Variants in RIN2 observed in about 807,000 individuals in gnomAD.
The protein encoded by RIN2 is RAB5 interacting protein 2.
In RIN2, 36 loss-of-function variants were observed where a neutral mutation model predicts 78.0. The observed-to-expected ratio is 0.46, with a 90% CI of 0.35 to 0.61. RIN2 has a LOEUF of 0.61. Among genes scored for constraint, RIN2 ranks in the 20% least tolerant of loss-of-function variants. The pLI, the probability that RIN2 is intolerant of heterozygous loss-of-function variation, is 0.00. For missense variants in RIN2, 1,087 were observed against 1,159.7 expected (o/e 0.94, Z 0.91); for synonymous variants, 466 against 466.8 (o/e 1.00, Z 0.02).
chr20:19,897,916 G>A (rs569716592), intron 3 of RIN2, among the ~76,000 whole-genome samples: 6 of 152,062 alleles, frequency 3.9e-5, no homozygotes, highest in African/African-American at 9.7e-5. Flanking sequence ...GTCTCACTTC[G>A]TTGCCCCGTC....
chr20:19,863,324 C>T (rs562449090), intron 2 of RIN2, among the ~76,000 whole-genome samples: 36 of 152,296 alleles, frequency 2.4e-4, no homozygotes, highest in South Asian at 4.1e-4. Flanking sequence ...TTACATGAAA[C>T]CATGTATGTG....
At chr20:19,932,089 C>T (rs901473635) in intron 3 of RIN2, among the ~76,000 whole-genome samples, 2 of 152,152 alleles carry the variant, frequency 1.3e-5, no homozygotes, top group African/African-American at 4.8e-5. Context: ...AATTTAATTG[C>T]CATTGTAACG....
intron 1 of RIN2, among the ~76,000 whole-genome samples, chr20:19,776,830 T>C (rs951975998): frequency 2.0e-4 from 31 of 152,162 alleles, no homozygotes; most frequent in African/African-American, 7.2e-4. Flanking sequence ...ACGAAACCAG[T>C]GTACATCTTA....
At chr20:19,801,860 CATG>C (rs765805645) in intron 2 of RIN2, among the ~76,000 whole-genome samples, 30 of 152,158 alleles carry the variant, frequency 2.0e-4, no homozygotes, top group Non-Finnish European at 4.3e-4. Flanking sequence ...GAAGTCTTAT[CATG>C]ATGTTGTAGG....
Position 19,960,524 on chromosome 20 carries a change from A to G in RIN2, c.352-176A>G, listed in dbSNP as rs1219230442. ...TTCTTTTGGAGGCAGTAATGAACAA[A>G]GGTGTCTGCAGCCTGTGCTCTGAGC... is the stretch of plus-strand genomic sequence containing the variant. On this transcript the variant is annotated intron_variant, in intron 5 of 12. Transcript: ENST00000255006. Among the ~76,000 whole-genome samples the G allele has an allele frequency of 2.6e-5, 4 of 152,176 alleles. No homozygotes were observed. The East Asian group carries it at 7.7e-4, about 29-fold the overall frequency.
At chr20:19,829,689 A>G (rs537122104) in intron 2 of RIN2, among the ~76,000 whole-genome samples, 1 of 152,362 alleles carries the variant, frequency 6.6e-6, no homozygotes, top group East Asian at 1.9e-4. Flanking sequence ...GGATGGATCA[A>G]GCAGTGGGGT....
chr20:19,787,313 C>G lies in RIN2; in HGVS notation c.-162-12309C>G, dbSNP rs564971632. Among the ~76,000 whole-genome samples the G allele has an allele frequency of 2.8e-4, 43 of 150,878 alleles. 1 individual carries two copies. Among genetic ancestry groups the G allele is most frequent in the Admixed American group, 2.6e-3 (39 of 15,102 alleles). ...TGGCGTGCAGCTGTAATCCTAGCTACTTGGGAAGCTGAGGCAGGAGAATTG... is the reference window on the plus strand; with the variant it reads ...TGGCGTGCAGCTGTAATCCTAGCTAGTTGGGAAGCTGAGGCAGGAGAATTG... On this transcript the variant is annotated intron_variant, in intron 1 of 12. Coordinates refer to ENST00000255006, the MANE Select transcript of RIN2 (RefSeq NM_018993.4).
intron 3 of RIN2, among the ~76,000 whole-genome samples, chr20:19,924,041 TCCTTACCCCCACCTTC>T (rs2040047513): frequency 3.2e-5 from 2 of 61,688 alleles, no homozygotes; most frequent in East Asian, 6.1e-4. Context: ...ACCCCCACCT[TCCTTACCCCCACCTTC>T]CATACCCCAC....
At chr20:19,864,664 G>T (rs1160855504) in intron 2 of RIN2, among the ~76,000 whole-genome samples, 4 of 152,176 alleles carry the variant, frequency 2.6e-5, no homozygotes, top group Non-Finnish European at 5.9e-5. Flanking sequence ...GCATCAGCAG[G>T]TGGGTAAAGC....
rs1054548192 is a variant in RIN2 at position 19,923,272 on chromosome 20, C to T, written c.58-11827C>T. 7.2e-5 allele frequency among the ~76,000 whole-genome samples: 11 copies of T among 151,768 alleles called. No individual in the cohort carries two copies. The East Asian group carries it at 2.1e-3, about 29-fold the overall frequency. On this transcript the variant is annotated intron_variant, in intron 3 of 12. Coordinates refer to ENST00000255006, the MANE Select transcript of RIN2 (RefSeq NM_018993.4). ...CTCTACTAAAAATACAAAAATTAGC[C>T]AGGTGTGGTGGCGGGCGCCTGTAGT... is the stretch of plus-strand genomic sequence containing the variant.
At position 19,796,638 on chromosome 20, in the gene RIN2, C is replaced by T. The variant is rs190541997; in HGVS notation, c.-162-2984C>T. Among the ~76,000 whole-genome samples the T allele has an allele frequency of 8.5e-5, 13 of 152,282 alleles. No homozygotes were observed. The East Asian group carries it at 1.5e-3, about 18-fold the overall frequency. On this transcript the variant is annotated intron_variant, in intron 1 of 12. Transcript: ENST00000255006. ...CTATGAGTCAATAGATTCCTGTTCT[C>T]GACCTTCAGTGCACATTGGAATCAC...
chr20:19,793,407 C>T (rs893496437), intron 1 of RIN2, among the ~76,000 whole-genome samples: 1 of 152,072 alleles, frequency 6.6e-6, no homozygotes, highest in Non-Finnish European at 1.5e-5. Flanking sequence ...GAGGGGCTTT[C>T]CTGTGATAAT....
intron 2 of RIN2, among the ~76,000 whole-genome samples, chr20:19,883,993 G>T (rs543333436): frequency 2.2e-4 from 33 of 151,538 alleles, no homozygotes; most frequent in African/African-American, 7.5e-4. Flanking sequence ...GAAAGATAGG[G>T]TTTCACTATA....
rs375067930 is a variant in RIN2 at position 19,975,358 on chromosome 20, G to C, written c.1333G>C (p.Asp445His). 3 of 1,613,542 alleles carry C rather than the reference G, an allele frequency of 1.9e-6. No individual in the cohort carries two copies. The highest frequency in any genetic ancestry group is 1.7e-5 in the Admixed American group (1 of 59,910). ...TTCCTCCTCCGACTCGCTGGAGTTC[G>C]ACCGGAGCATGCCTCTGTTTGGCTA... Reference protein sequence around the residue: ...STSSSDSLEFDRSMPLFGYEA... With the variant: ...STSSSDSLEFHRSMPLFGYEA... The change falls in exon 9 of 13, where the codon GAC becomes CAC. Residue 445 changes from aspartate to histidine, a missense_variant. Asp to His is a moderately conservative substitution (Grantham distance 81, BLOSUM62 -1). This residue lies in a region of RIN2 where 706 missense variants were observed against 667.5 expected (regional missense o/e 1.06). Transcript: ENST00000255006. The surrounding 1 kb of genome is among the most constrained non-coding windows in gnomAD (Gnocchi z 4.9).
At chr20:19,792,109 A>G (rs774589131) in intron 1 of RIN2, among the ~76,000 whole-genome samples, 19 of 152,166 alleles carry the variant, frequency 1.2e-4, no homozygotes, top group Non-Finnish European at 2.2e-4. Context: ...GAGCTGAAAG[A>G]AAGAAATTCT....
intron 8 of RIN2, among the ~76,000 whole-genome samples, chr20:19,972,388 G>T (rs561176329): frequency 6.6e-6 from 1 of 152,312 alleles, no homozygotes; most frequent in Non-Finnish European, 1.5e-5. Context: ...GGACTAAAGT[G>T]TCAAGGACAA....
chr20:19,780,687 C>T (rs546258429), intron 1 of RIN2, among the ~76,000 whole-genome samples: 21 of 152,330 alleles, frequency 1.4e-4, no homozygotes, highest in African/African-American at 5.0e-4. Context: ...TAGGTGGCCT[C>T]TGTTGCAACC....
chr20:19,948,158 T>A (rs557460936), intron 4 of RIN2, among the ~76,000 whole-genome samples: 26 of 152,280 alleles, frequency 1.7e-4, no homozygotes, highest in African/African-American at 5.5e-4. Context: ...GATGTGATAC[T>A]GACAGTGCTG....
Position 19,880,709 on chromosome 20 carries a change from G to A in RIN2, c.-36-8857G>A, listed in dbSNP as rs1483100683. On this transcript the variant is annotated intron_variant, in intron 2 of 12. Transcript: ENST00000255006. Reference sequence around the variant, plus strand: ...AAAAACCCTTCTCTTTAGCCTAGATGACTTCCTTGTAAAATCCTATGCACT... The same window carrying A: ...AAAAACCCTTCTCTTTAGCCTAGATAACTTCCTTGTAAAATCCTATGCACT... 3.3e-5 allele frequency among the ~76,000 whole-genome samples: 5 copies of A among 152,196 alleles called. No individual in the cohort carries two copies. The East Asian group carries it at 9.7e-4, about 29-fold the overall frequency.
Sources: allele counts gnomAD v4.1 joint callset (sites outside exome capture counted in the v4.1 genomes callset), GRCh38; gene constraint gnomAD v4.1.1; regional missense constraint gnomAD v4.1.1; non-coding constraint Gnocchi (gnomAD v3.1); transcripts MANE v1.5; gene names NCBI Gene and HGNC (gene_info 2026-07-23, HGNC 2026-07-21).